The following FGD6 variants were observed in gnomAD, a reference collection of about 807,000 sequenced individuals.
FGD6 encodes FYVE, RhoGEF and PH domain containing 6, also known as FYVE, RhoGEF and PH domain-containing protein 6.
In FGD6, 90 loss-of-function variants were observed where a neutral mutation model predicts 149.4. That is an observed-to-expected ratio of 0.60 (90% CI 0.51 to 0.72). The LOEUF is 0.72. FGD6 is among the 30% of genes least tolerant of loss of function. FGD6 has a pLI of 0.00. For missense variants in FGD6, 1,437 were observed against 1,684.8 expected (o/e 0.85, Z 2.57); for synonymous variants, 527 against 584.0 (o/e 0.90, Z 1.41).
chr12:95,150,260 C>T (rs1880269893), intron 5 of FGD6, among the ~76,000 whole-genome samples: 1 of 152,096 alleles, frequency 6.6e-6, no homozygotes, highest in South Asian at 2.1e-4. Context: ...CTCCTGACCT[C>T]ATGTGATCCG....
intron 2 of FGD6, among the ~76,000 whole-genome samples, chr12:95,197,842 A>G (rs1881770635): frequency 1.3e-5 from 2 of 152,208 alleles, no homozygotes; most frequent in Non-Finnish European, 2.9e-5. Context: ...GACAGGAATC[A>G]TATTTAACTT....
At chr12:95,214,861 CTTTTTTTTTTTT>C (rs1171146305) in intron 1 of FGD6, among the ~76,000 whole-genome samples, 1 of 129,218 alleles carries the variant, frequency 7.7e-6, no homozygotes, top group Non-Finnish European at 1.6e-5. Flanking sequence ...CTCCTTTTTT[CTTTTTTTTTTTT>C]TTTTTTTGAG....
Position 95,209,960 on chromosome 12 carries a change from C to T in FGD6, c.1324G>A (p.Glu442Lys), listed in dbSNP as rs571626620. Residue 442 changes from glutamate (E) to lysine (K), a missense_variant, in exon 2 of 21, where the codon GAA (glutamate) becomes AAA (lysine). By Grantham distance (56) the Glu-to-Lys change is moderately conservative. Transcript: ENST00000343958. ...DGSSMSLAVD[E>K]GTGFIRCTVS... Reference sequence around the variant, plus strand: ...GTACATCTTATAAAACCGGTCCCTTCGTCCACAGCAAGCGACATACTAGAA... The same window carrying T: ...GTACATCTTATAAAACCGGTCCCTTTGTCCACAGCAAGCGACATACTAGAA... The T allele has an allele frequency of 3.2e-5, 51 of 1,611,816 alleles. No individual in the cohort carries two copies. In the Middle Eastern group the frequency reaches 5.0e-4, roughly 16 times the overall value.
In FGD6 at chr12:95,137,507, G is replaced by C. The variant is rs750344440; in HGVS notation, c.2994+15C>G. The C allele has an allele frequency of 1.3e-6, 2 of 1,549,168 alleles. No individual in the cohort carries two copies. Among genetic ancestry groups the C allele is most frequent in the South Asian group, 1.3e-5 (1 of 79,126 alleles). ...AAAGAAAGAGAAGTGTTCAACATTA[G>C]ATAGTAGCAAATACCTCAAATTCTC... is the stretch of plus-strand genomic sequence containing the variant. On this transcript the variant is annotated intron_variant, in intron 7 of 20. Coordinates refer to ENST00000343958, the MANE Select transcript of FGD6 (RefSeq NM_018351.4).
At chr12:95,164,306 A>G (rs1483116627) in intron 3 of FGD6, among the ~76,000 whole-genome samples, 4 of 148,280 alleles carry the variant, frequency 2.7e-5, no homozygotes, top group African/African-American at 1.0e-4. Context: ...CAGTGGCACG[A>G]TCTCGGCTCA....
intron 8 of FGD6, among the ~76,000 whole-genome samples, chr12:95,121,485 A>ATGTGTG (rs1879190811): frequency 4.4e-5 from 1 of 22,878 alleles, no homozygotes; most frequent in Non-Finnish European, 1.1e-4. Context: ...ATATATGTAT[A>ATGTGTG]TATATATATA....
intron 3 of FGD6, among the ~76,000 whole-genome samples, chr12:95,155,562 G>T (rs1275289905): frequency 6.6e-6 from 1 of 152,070 alleles, no homozygotes; most frequent in Non-Finnish European, 1.5e-5. Flanking sequence ...AAAAAAACCT[G>T]CAATCACTTC....
At chr12:95,205,957 C>T (rs1038189812) in intron 2 of FGD6, among the ~76,000 whole-genome samples, 1 of 152,166 alleles carries the variant, frequency 6.6e-6, no homozygotes, top group African/African-American at 2.4e-5. Flanking sequence ...TGTCCAAAGC[C>T]GCCCTGGTTT....
chr12:95,158,912 C>A (rs1218085462), intron 3 of FGD6, among the ~76,000 whole-genome samples: 1 of 151,740 alleles, frequency 6.6e-6, no homozygotes, highest in Non-Finnish European at 1.5e-5. Flanking sequence ...ATTACAAATG[C>A]ATTATAAGTG....
chr12:95,187,006 T>C (rs1459843237), intron 2 of FGD6, among the ~76,000 whole-genome samples: 1 of 152,216 alleles, frequency 6.6e-6, no homozygotes, highest in African/African-American at 2.4e-5. Context: ...ACTGTTTCTC[T>C]TGTATATACT....
At chr12:95,177,081 G>A (rs2136285997) in intron 2 of FGD6, among the ~76,000 whole-genome samples, 1 of 152,244 alleles carries the variant, frequency 6.6e-6, no homozygotes, top group Non-Finnish European at 1.5e-5. Context: ...GCCTGCCTCA[G>A]CCTCCCAAAA....
chr12:95,099,262 C>T (rs147229088), intron 14 of FGD6, among the ~76,000 whole-genome samples: 2 of 152,288 alleles, frequency 1.3e-5, no homozygotes, highest in African/African-American at 2.4e-5. Context: ...CCTTACTGAA[C>T]GAAGGGATGA....
chr12:95,206,480 T>C (rs2056693439), intron 2 of FGD6, among the ~76,000 whole-genome samples: 1 of 151,868 alleles, frequency 6.6e-6, no homozygotes, highest in South Asian at 2.1e-4. Flanking sequence ...AGCACAGGAA[T>C]TTGAGACCAG....
intron 17 of FGD6, among the ~76,000 whole-genome samples, chr12:95,090,488 G>C (rs1878017942): frequency 6.6e-6 from 1 of 152,184 alleles, no homozygotes; most frequent in Admixed American, 6.5e-5. Flanking sequence ...GGCCTTATTA[G>C]GGCTGGGATG....
At chr12:95,212,445 A>C (rs1005639259) in intron 1 of FGD6, among the ~76,000 whole-genome samples, 1 of 152,228 alleles carries the variant, frequency 6.6e-6, no homozygotes, top group Admixed American at 6.5e-5. Flanking sequence ...ATAGGAACCT[A>C]ATAAAAGCTT....
At position 95,195,995 on chromosome 12, in the gene FGD6, G is replaced by A. The variant is rs980680689; in HGVS notation, c.2441+12848C>T. On this transcript the variant is annotated intron_variant, in intron 2 of 20. Coordinates refer to ENST00000343958, the MANE Select transcript of FGD6 (RefSeq NM_018351.4). The stretch of plus-strand genomic sequence containing the variant: ...AAATTAGGCAGGTGTGGTGGCGCAC[G>A]TCTCTAATCAGCTACTTGGGAGGCT... Among the ~76,000 whole-genome samples, 65 of 151,714 alleles carry A rather than the reference G, an allele frequency of 4.3e-4. 1 individual carries two copies. The highest frequency in any genetic ancestry group is 3.2e-3 in the Admixed American group (49 of 15,222).
intron 17 of FGD6, 98 bp downstream of exon 17, chr12:95,091,609 C>A: frequency 1.5e-6 from 1 of 682,782 alleles, no homozygotes; most frequent in Non-Finnish European, 2.4e-6. Flanking sequence ...TATCAACAAT[C>A]ATATTGCTAA....
chr12:95,086,949 G>C (rs1436312938), intron 18 of FGD6, among the ~76,000 whole-genome samples: 2 of 147,964 alleles, frequency 1.4e-5, no homozygotes, highest in Non-Finnish European at 3.0e-5. Flanking sequence ...TTGGGTCCAA[G>C]CACTTCTCGT....
chr12:95,158,679 T>C (rs1018640796), intron 3 of FGD6, among the ~76,000 whole-genome samples: 4 of 152,042 alleles, frequency 2.6e-5, no homozygotes, highest in Non-Finnish European at 5.9e-5. Context: ...CTCCATATAA[T>C]CTGTAGATAG....
Sources: allele counts gnomAD v4.1 joint callset (sites outside exome capture counted in the v4.1 genomes callset), GRCh38; gene constraint gnomAD v4.1.1; transcripts MANE v1.5; gene names NCBI Gene and HGNC (gene_info 2026-07-23, HGNC 2026-07-21).